MAPRE3: variants seen among roughly 807,000 people sequenced by gnomAD.
The protein encoded by MAPRE3 is microtubule-associated protein RP/EB family member 3.
MAPRE3 carries 2 observed loss-of-function variants against 30.5 expected under a neutral mutation model. The ratio of observed to expected loss-of-function variants is 0.07; its 90% CI spans 0.03 to 0.21. MAPRE3 has a LOEUF of 0.21. Among genes scored for constraint, MAPRE3 ranks in the 10% least tolerant of loss-of-function variants. The pLI is 1.00. For synonymous variants in MAPRE3, 110 were observed against 127.7 expected (o/e 0.86, Z 0.93); for missense variants, 204 against 351.8 (o/e 0.58, Z 3.36).
intron 1 of MAPRE3, among the ~76,000 whole-genome samples, chr2:27,001,543 A>G (rs377651774): frequency 6.6e-6 from 1 of 152,336 alleles, no homozygotes; most frequent in East Asian, 1.9e-4. Context: ...ACTGATAGAT[A>G]GGCATATAAT....
In MAPRE3 at chr2:27,017,565, G is replaced by A. The variant is rs573188691; in HGVS notation, c.-7-4647G>A. 8.5e-5 allele frequency among the ~76,000 whole-genome samples: 13 copies of A among 152,274 alleles called. No individual in the cohort carries two copies. In the South Asian group the frequency reaches 1.9e-3, roughly 22 times the overall value. On this transcript the variant is annotated intron_variant, in intron 1 of 6. Coordinates refer to ENST00000233121, the MANE Select transcript of MAPRE3 (RefSeq NM_012326.4). ...ATGTGGCTCTTAGTGACTCTTGGGA[G>A]CCCTAAAAGCAAGGCCTTTAGTTGT...
chr2:26,997,380 G>T (rs531258554), intron 1 of MAPRE3, among the ~76,000 whole-genome samples: 1 of 151,844 alleles, frequency 6.6e-6, no homozygotes, highest in African/African-American at 2.4e-5. Flanking sequence ...TTTAGCTCAT[G>T]AGCTGTCCTT....
At chr2:27,007,179 C>T (rs1402566160) in intron 1 of MAPRE3, among the ~76,000 whole-genome samples, 1 of 152,122 alleles carries the variant, frequency 6.6e-6, no homozygotes, top group Non-Finnish European at 1.5e-5. Context: ...ACCAAAGGTT[C>T]GTCTATATCT....
intron 1 of MAPRE3, among the ~76,000 whole-genome samples, chr2:26,977,944 A>G (rs1335318112): frequency 1.3e-5 from 2 of 152,184 alleles, no homozygotes; most frequent in Non-Finnish European, 2.9e-5. Context: ...TGAAGAACAT[A>G]TGGCCTGTCA....
At chr2:27,022,504 A>C in intron 2 of MAPRE3, 165 bp downstream of exon 2, 1 of 910,012 alleles carries the variant, frequency 1.1e-6, no homozygotes, top group East Asian at 2.6e-5. Context: ...TGAACATCAC[A>C]GAGTGTATTT....
chr2:27,005,386 T>G (rs1666703201), intron 1 of MAPRE3, among the ~76,000 whole-genome samples: 1 of 152,230 alleles, frequency 6.6e-6, no homozygotes. Flanking sequence ...CTCTCAAACC[T>G]GCTCTTCCTG....
intron 1 of MAPRE3, among the ~76,000 whole-genome samples, chr2:26,989,663 A>T (rs761146022): frequency 7.9e-5 from 12 of 152,128 alleles, no homozygotes; most frequent in Non-Finnish European, 1.6e-4. Context: ...TAAAAATGAG[A>T]TGGCTAAGTG....
intron 1 of MAPRE3, among the ~76,000 whole-genome samples, chr2:26,988,674 C>G (rs1258040506): frequency 6.6e-6 from 1 of 152,128 alleles, no homozygotes; most frequent in South Asian, 2.1e-4. Flanking sequence ...GCGGGGTTCT[C>G]AAGTGTAGTC....
At chr2:27,021,701 TC>T (rs1667113360) in intron 1 of MAPRE3, among the ~76,000 whole-genome samples, 1 of 152,182 alleles carries the variant, frequency 6.6e-6, no homozygotes, top group Admixed American at 6.5e-5. Flanking sequence ...AAAAATCTGC[TC>T]CCCGGGCCTG....
intron 1 of MAPRE3, among the ~76,000 whole-genome samples, chr2:26,988,686 T>A (rs1219777849): frequency 2.0e-5 from 3 of 152,212 alleles, no homozygotes; most frequent in Non-Finnish European, 4.4e-5. Context: ...AGTGTAGTCC[T>A]GCTGCTGACT....
At chr2:27,012,001 A>G (rs887868618) in intron 1 of MAPRE3, 1 of 151,896 alleles carries the variant, frequency 6.6e-6, no homozygotes, top group Non-Finnish European at 1.5e-5. Context: ...CAAGGTAAAA[A>G]GTTTGAGACC....
At chr2:26,983,069 C>A (rs1273959232) in intron 1 of MAPRE3, among the ~76,000 whole-genome samples, 5 of 152,138 alleles carry the variant, frequency 3.3e-5, no homozygotes, top group African/African-American at 1.2e-4. Context: ...GAGGAAGATC[C>A]CACTACCGCT....
rs1286610204 is a variant in MAPRE3 at position 26,985,295 on chromosome 2, C to A, written c.-8+14493C>A. Among the ~76,000 whole-genome samples, 1 of 152,198 alleles carries A rather than the reference C, an allele frequency of 6.6e-6. No homozygotes were observed. Among genetic ancestry groups the A allele is most frequent in the South Asian group, 2.1e-4 (1 of 4,830 alleles). On this transcript the variant is annotated intron_variant, in intron 1 of 6. Transcript: ENST00000233121. This position sits in a 1 kb window ranked among gnomAD's most constrained non-coding sequence, Gnocchi z 4.2. ...GCAGAATCCTACCTGGGCCATCTTC[C>A]CAGCTCCTGAGATAATTCACAATAT...
chr2:27,016,009 A>G (rs1666974689), intron 1 of MAPRE3, among the ~76,000 whole-genome samples: 1 of 152,184 alleles, frequency 6.6e-6, no homozygotes, highest in South Asian at 2.1e-4. Context: ...CAGTCCTAGT[A>G]TAGGAAATGA....
chr2:26,998,291 G>A (rs994065115), intron 1 of MAPRE3, among the ~76,000 whole-genome samples: 1 of 152,124 alleles, frequency 6.6e-6, no homozygotes, highest in Non-Finnish European at 1.5e-5. Context: ...TTGGCTGACC[G>A]AGATTGGAGC....
At chr2:27,009,049 G>C (rs905242920) in intron 1 of MAPRE3, among the ~76,000 whole-genome samples, 5 of 152,170 alleles carry the variant, frequency 3.3e-5, no homozygotes, top group African/African-American at 4.8e-5. Context: ...GATAGGGTTG[G>C]GGGGGAGGGC....
At chr2:27,018,932 T>TTTC (rs1297117321) in intron 1 of MAPRE3, among the ~76,000 whole-genome samples, 8 of 152,032 alleles carry the variant, frequency 5.3e-5, no homozygotes, top group African/African-American at 1.2e-4. Context: ...TATTTATTTT[T>TTTC]TGGAGATGGA....
intron 3 of MAPRE3, 54 bp from the exon 4 acceptor site, chr2:27,024,042 G>T (rs769142895): frequency 3.0e-5 from 43 of 1,410,734 alleles, no homozygotes; most frequent in African/African-American, 4.2e-5. Flanking sequence ...GCAGAGGAAG[G>T]CGGTCCTACA....
chr2:26,978,804 A>G (rs1666063149), intron 1 of MAPRE3, among the ~76,000 whole-genome samples: 1 of 152,258 alleles, frequency 6.6e-6, no homozygotes, highest in Non-Finnish European at 1.5e-5. Flanking sequence ...ACTATGGGAT[A>G]TAAAGGAAAT....
Sources: allele counts gnomAD v4.1 joint callset (sites outside exome capture counted in the v4.1 genomes callset), GRCh38; gene constraint gnomAD v4.1.1; non-coding constraint Gnocchi (gnomAD v3.1); transcripts MANE v1.5; gene names NCBI Gene and HGNC (gene_info 2026-07-23, HGNC 2026-07-21).